Variants in PDZRN4 observed in about 807,000 individuals in gnomAD.
The protein encoded by PDZRN4 is PDZ domain-containing RING finger protein 4.
Under a neutral mutation model 99.0 loss-of-function variants are expected in PDZRN4, and 70 were observed. The observed-to-expected ratio is 0.71, with a 90% CI of 0.58 to 0.86. PDZRN4 has a LOEUF of 0.86. Among genes scored for constraint, PDZRN4 ranks in the 40% least tolerant of loss-of-function variants. PDZRN4 has a pLI of 0.00. For synonymous variants in PDZRN4, 551 were observed against 501.6 expected, an observed-to-expected ratio of 1.10 and a Z score of -1.32; for missense variants, 1,474 against 1,331.2, an observed-to-expected ratio of 1.11 and a Z score of -1.67.
intron 3 of PDZRN4, among the ~76,000 whole-genome samples, chr12:41,328,810 C>T (rs1771842270): frequency 1.3e-5 from 2 of 152,226 alleles, no homozygotes; most frequent in South Asian, 4.1e-4. Flanking sequence ...AGGAGACAGA[C>T]ATTTAAGCAT....
intron 5 of PDZRN4, among the ~76,000 whole-genome samples, chr12:41,540,494 C>G (rs1938831001): frequency 6.6e-6 from 1 of 151,984 alleles, no homozygotes; most frequent in Non-Finnish European, 1.5e-5. Flanking sequence ...TATGTAAAAC[C>G]TTTGTCATTT....
intron 7 of PDZRN4, among the ~76,000 whole-genome samples, chr12:41,559,184 TACAC>T (rs10557714): frequency 1.2e-3 from 174 of 149,940 alleles, no homozygotes; most frequent in Non-Finnish European, 1.3e-3. Flanking sequence ...CACACATACA[TACAC>T]ACACACACAC....
chr12:41,450,415 T>C (rs1952764811), intron 3 of PDZRN4, among the ~76,000 whole-genome samples: 1 of 152,176 alleles, frequency 6.6e-6, no homozygotes, highest in African/African-American at 2.4e-5. Flanking sequence ...TTAACCAAGA[T>C]TAATTTTCCA....
intron 3 of PDZRN4, among the ~76,000 whole-genome samples, chr12:41,242,274 C>T (rs960163839): frequency 1.3e-5 from 2 of 152,212 alleles, no homozygotes; most frequent in Non-Finnish European, 2.9e-5. Flanking sequence ...AGTCTGTTTT[C>T]CAAAACAGTT....
At chr12:41,385,795 C>T (rs944163406) in intron 3 of PDZRN4, among the ~76,000 whole-genome samples, 2 of 152,116 alleles carry the variant, frequency 1.3e-5, no homozygotes, top group Non-Finnish European at 2.9e-5. Context: ...GGAGGAAGGA[C>T]TCCTCCCTAA....
At chr12:41,328,654 A>G (rs1419595525) in intron 3 of PDZRN4, among the ~76,000 whole-genome samples, 6 of 152,134 alleles carry the variant, frequency 3.9e-5, no homozygotes, top group Non-Finnish European at 1.5e-5. Context: ...GAGGTGTCTA[A>G]GTTCTTTCTA....
At position 41,428,508 on chromosome 12, in the gene PDZRN4, C is replaced by G. The variant is rs563696335; in HGVS notation, c.844-77948C>G. Among the ~76,000 whole-genome samples, 14 of 152,196 alleles carry G rather than the reference C, an allele frequency of 9.2e-5. No homozygotes were observed. The South Asian group carries it at 1.5e-3, about 16-fold the overall frequency. ...AGTACCAGATAGAACTGTCCACACTCTAAAAAAAGAGAGAAATATACCAAA... is the reference window on the plus strand; with the variant it reads ...AGTACCAGATAGAACTGTCCACACTGTAAAAAAAGAGAGAAATATACCAAA... On this transcript the variant is annotated intron_variant, in intron 3 of 9. Transcript: ENST00000402685.
intron 6 of PDZRN4, 115 bp downstream of exon 6, chr12:41,552,869 G>A: frequency 2.7e-6 from 2 of 734,746 alleles, no homozygotes; most frequent in Non-Finnish European, 4.6e-6. Flanking sequence ...AATTGGAGTT[G>A]GCCATGTTCC....
Position 41,444,029 on chromosome 12 carries a change from G to A in PDZRN4, c.844-62427G>A, listed in dbSNP as rs548466428. Among the ~76,000 whole-genome samples, 5 of 152,208 alleles carry A rather than the reference G, an allele frequency of 3.3e-5. No individual in the cohort carries two copies. The East Asian group carries it at 9.7e-4, about 29-fold the overall frequency. ...AAAAGACTGATATTGTTACAGAGTAGGAAGGAAAATAAGCAGAAAGTTATG... is the reference window on the plus strand; with the variant it reads ...AAAAGACTGATATTGTTACAGAGTAAGAAGGAAAATAAGCAGAAAGTTATG... On this transcript the variant is annotated intron_variant, in intron 3 of 9. Transcript: ENST00000402685.
chr12:41,478,814 TCTC>T (rs1410028453), intron 3 of PDZRN4, among the ~76,000 whole-genome samples: 1 of 152,046 alleles, frequency 6.6e-6, no homozygotes. Flanking sequence ...TCCAGGGAGT[TCTC>T]CTAGGAAAAA....
intron 3 of PDZRN4, among the ~76,000 whole-genome samples, chr12:41,321,239 A>G (rs1951675458): frequency 6.6e-6 from 1 of 152,140 alleles, no homozygotes; most frequent in Non-Finnish European, 1.5e-5. Flanking sequence ...CTTTTATTCA[A>G]TTAGGTCGGT....
intron 3 of PDZRN4, among the ~76,000 whole-genome samples, chr12:41,258,255 G>A (rs372946583): frequency 6.6e-6 from 1 of 152,078 alleles, no homozygotes. Context: ...AGTATCCAAA[G>A]GAAAATATTT....
rs141805544 is a variant in PDZRN4, at chr12:41,248,456, T to C, written c.843+54268T>C. ...ACATTTTAATTGCTTGAAAGGAAAA[T>C]GTTTACTTAGAATTCAATGACTAAA... On this transcript the variant is annotated intron_variant, in intron 3 of 9. Transcript: ENST00000402685. Among the ~76,000 whole-genome samples the C allele has an allele frequency of 9.1e-4, 139 of 152,178 alleles. 2 individuals are homozygous for C. Among genetic ancestry groups the C allele is most frequent in the African/African-American group, 3.1e-3 (129 of 41,518 alleles).
At chr12:41,557,560 G>C (rs759743042) in intron 7 of PDZRN4, among the ~76,000 whole-genome samples, 1 of 152,124 alleles carries the variant, frequency 6.6e-6, no homozygotes, top group Non-Finnish European at 1.5e-5. Context: ...CTCTGCCTGC[G>C]TGGCCTGGGC....
chr12:41,238,299 T>C (rs908454051), intron 3 of PDZRN4, among the ~76,000 whole-genome samples: 1 of 152,144 alleles, frequency 6.6e-6, no homozygotes, highest in Non-Finnish European at 1.5e-5. Context: ...ATAGGAATGC[T>C]AGTAATGTTT....
Position 41,506,494 on chromosome 12 carries a change from G to A in PDZRN4, c.882G>A (p.Glu294=). The change falls in exon 4 of 10, where the codon GAG becomes GAA. Residue 294 remains glutamate (E), a synonymous_variant. Transcript: ENST00000402685. ...ATCTTTCAAAGGCCACTCATGAAGAGGCAGTGGAAGCTTTTCGCAATGCCA... is the reference window on the plus strand; with the variant it reads ...ATCTTTCAAAGGCCACTCATGAAGAAGCAGTGGAAGCTTTTCGCAATGCCA... The part of the protein sequence containing the change: ...GKDLSKATHE[E]AVEAFRNAKE... 6.2e-7 allele frequency: 1 copy of A among 1,613,704 alleles called. No individual in the cohort carries two copies. The highest frequency in any genetic ancestry group is 8.5e-7 in the Non-Finnish European group (1 of 1,179,760).
Position 41,341,146 on chromosome 12 carries a change from G to A in PDZRN4, c.843+146958G>A, listed in dbSNP as rs555321516. On this transcript the variant is annotated intron_variant, in intron 3 of 9. Transcript: ENST00000402685. ...AGATGCAGAGAAAGCATTTGACAAC[G>A]TTCAACATCCTTTCATGATAAAAAA... Among the ~76,000 whole-genome samples, 4 of 140,474 alleles carry A rather than the reference G, an allele frequency of 2.8e-5. No homozygotes were observed. In the East Asian group the frequency reaches 8.3e-4, roughly 29 times the overall value. 92.2% of individuals were successfully genotyped at this position (140,474 alleles called of 152,430 possible). A position where few individuals can be genotyped will look rare whatever the true frequency, so the allele number is the denominator to read the frequency against.
chr12:41,188,376 C>A lies in PDZRN4; in HGVS notation c.-80C>A. The stretch of plus-strand genomic sequence containing the variant: ...TGCCGCCGCCGCGAGACGGCTGCCC[C>A]GGGGGTGGCCCGGGGAAGGCAGGGG... On this transcript the variant is annotated 5_prime_UTR_variant, in exon 1 of 10. Coordinates refer to ENST00000402685, the MANE Select transcript of PDZRN4 (RefSeq NM_001164595.2). 9.6e-6 allele frequency: 13 copies of A among 1,352,182 alleles called. No individual in the cohort carries two copies. The highest frequency in any genetic ancestry group is 1.3e-5 in the Non-Finnish European group (13 of 1,024,596). 83.8% of individuals were successfully genotyped at this position (1,352,182 alleles called of 1,614,324 possible). A position where few individuals can be genotyped will look rare whatever the true frequency, so the allele number is the denominator to read the frequency against.
chr12:41,223,856 CTT>C (rs1172044908), intron 3 of PDZRN4, among the ~76,000 whole-genome samples: 3 of 152,342 alleles, frequency 2.0e-5, no homozygotes, highest in Non-Finnish European at 4.4e-5. Context: ...GCTGCAGCCC[CTT>C]TATGACCCTG....
Sources: gnomAD v4.1 joint callset for allele counts (sites outside exome capture counted in the v4.1 genomes callset) on GRCh38, gnomAD v4.1.1 for gene constraint, MANE v1.5 for transcripts, NCBI Gene and HGNC (gene_info 2026-07-23, HGNC 2026-07-21) for gene names.